Variants in ITPKC observed in about 807,000 individuals in gnomAD.
The protein encoded by ITPKC is inositol-trisphosphate 3-kinase C.
Under a neutral mutation model 67.1 loss-of-function variants are expected in ITPKC, and 33 were observed. That is an observed-to-expected ratio of 0.49 (90% CI 0.37 to 0.66). ITPKC has a LOEUF of 0.66. Among genes scored for constraint, ITPKC ranks in the 30% least tolerant of loss-of-function variants. The pLI is 0.00. For missense variants in ITPKC, 820 were observed against 892.1 expected, an observed-to-expected ratio of 0.92 and a Z score of 1.03; for synonymous variants, 341 against 359.8, an observed-to-expected ratio of 0.95 and a Z score of 0.59.
chr19:40,733,246 C>T lies in ITPKC; in HGVS notation c.1556C>T (p.Pro519Leu), dbSNP rs1188412284. 1.9e-6 allele frequency: 3 copies of T among 1,614,234 alleles called. No homozygotes were observed. Among genetic ancestry groups the T allele is most frequent in the Non-Finnish European group, 1.7e-6 (2 of 1,180,032 alleles). The change falls in exon 4 of 7, where the codon CCT becomes CTT. Residue 519 changes from proline to leucine, a missense_variant. Transcript: ENST00000263370. ...TATGAGAAGATGGTGGCTGTGGACC[C>T]TGGGGCCCCTACCCCTGAGGAGCAT... ...DMYEKMVAVD[P>L]GAPTPEEHAQ... is the part of the protein sequence containing the mutation.
chr19:40,720,628 CTG>C (rs1240408717), intron 1 of ITPKC, among the ~76,000 whole-genome samples: 1 of 152,088 alleles, frequency 6.6e-6, no homozygotes, highest in African/African-American at 2.4e-5. Flanking sequence ...GGTGCCCTCT[CTG>C]AGAGCAGTCA....
At chr19:40,729,585 G>A (rs569199690) in intron 3 of ITPKC, among the ~76,000 whole-genome samples, 170 bp downstream of exon 3, 1 of 152,134 alleles carries the variant, frequency 6.6e-6, no homozygotes, top group Non-Finnish European at 1.5e-5. Flanking sequence ...GACCAACGTG[G>A]TGAAGCCCTG....
At chr19:40,737,992 G>GA (rs35811447) in intron 6 of ITPKC, among the ~76,000 whole-genome samples, 269 of 114,404 alleles carry the variant, frequency 2.4e-3, no homozygotes, top group East Asian at 0.013. Flanking sequence ...TCTCTATTTG[G>GA]AAAAAAAAAA....
In ITPKC at chr19:40,733,112, C is replaced by T. The variant is rs1247587982; in HGVS notation, c.1470-48C>T. 2.6e-6 allele frequency: 4 copies of T among 1,544,078 alleles called. No individual in the cohort carries two copies. In the African/African-American group the frequency reaches 4.1e-5, roughly 16 times the overall value. On this transcript the variant is annotated intron_variant, in intron 3 of 6. Transcript: ENST00000263370. Reference sequence around the variant, plus strand: ...CTTAATATCAGGAAGGGTAAGCCCTCCAGTTTGTTCTACATAATTTCCTTT... The same window carrying T: ...CTTAATATCAGGAAGGGTAAGCCCTTCAGTTTGTTCTACATAATTTCCTTT...
In ITPKC at chr19:40,717,345, G is replaced by A; in HGVS notation, c.210G>A (p.Glu70=). The A allele has an allele frequency of 6.2e-7, 1 of 1,609,250 alleles. No individual in the cohort carries two copies. Among genetic ancestry groups the A allele is most frequent in the Non-Finnish European group, 8.5e-7 (1 of 1,178,806 alleles). ...ARTEGSSLHS[E]PERAGLGPAP... is the part of the protein sequence containing the mutation. ...CAGAGGGGTCCAGCCTCCACAGCGA[G>A]CCTGAGAGGGCCGGCCTCGGGCCTG... Residue 70 remains glutamate, a synonymous_variant, in exon 1 of 7, where the codon GAG becomes GAA. Coordinates refer to ENST00000263370, the MANE Select transcript of ITPKC (RefSeq NM_025194.3).
intron 1 of ITPKC, 120 bp from the exon 2 acceptor site, chr19:40,725,220 C>A: frequency 1.5e-6 from 1 of 658,812 alleles, no homozygotes; most frequent in Non-Finnish European, 2.7e-6. Flanking sequence ...ACAGTGATCC[C>A]AGGAAGCCCC....
chr19:40,730,647 C>G (rs1404328397), intron 3 of ITPKC, among the ~76,000 whole-genome samples: 1 of 152,102 alleles, frequency 6.6e-6, no homozygotes, highest in Non-Finnish European at 1.5e-5. Context: ...CCAGGCTGGT[C>G]TTGAACCCCT....
chr19:40,734,712 G>A (rs187388214), intron 4 of ITPKC, among the ~76,000 whole-genome samples: 76 of 149,290 alleles, frequency 5.1e-4, no homozygotes, highest in African/African-American at 1.7e-3. Context: ...GGGTTCAAGC[G>A]ATTCTCCCAC....
At chr19:40,723,260 C>T in intron 1 of ITPKC, among the ~76,000 whole-genome samples, 1 of 152,154 alleles carries the variant, frequency 6.6e-6, no homozygotes, top group East Asian at 1.9e-4. Context: ...TGCGCCCGGC[C>T]TAATTTTTAA....
chr19:40,732,097 T>C (rs1599653595), intron 3 of ITPKC, among the ~76,000 whole-genome samples: 2 of 151,474 alleles, frequency 1.3e-5, no homozygotes, highest in East Asian at 1.9e-4. Context: ...ATGTGCCAGG[T>C]GTGGTGGTAT....
rs768621609 is a variant in ITPKC at position 40,737,134 on chromosome 19, A to G, written c.1776+47A>G. The G allele has an allele frequency of 4.1e-6, 5 of 1,214,568 alleles. No homozygotes were observed. The South Asian group carries it at 6.5e-5, about 16-fold the overall frequency. 75.2% of individuals were successfully genotyped at this position (1,214,568 alleles called of 1,614,324 possible). A position where few individuals can be genotyped will look rare whatever the true frequency, so the allele number is the denominator to read the frequency against. ...CAGAATGTAGCAGCTTAAGACAGCCACCATTTATTCTTGCTCCAGAGTCAG... is the reference window on the plus strand; with the variant it reads ...CAGAATGTAGCAGCTTAAGACAGCCGCCATTTATTCTTGCTCCAGAGTCAG... On this transcript the variant is annotated intron_variant, in intron 5 of 6. Coordinates refer to ENST00000263370, the MANE Select transcript of ITPKC (RefSeq NM_025194.3).
intron 1 of ITPKC, among the ~76,000 whole-genome samples, chr19:40,721,528 G>A (rs970458564): frequency 6.6e-6 from 1 of 151,650 alleles, no homozygotes; most frequent in South Asian, 2.1e-4. Context: ...ACGCCACCAC[G>A]CCCGGCTAAT....
chr19:40,724,732 T>G (rs2082238012), intron 1 of ITPKC, among the ~76,000 whole-genome samples: 1 of 152,120 alleles, frequency 6.6e-6, no homozygotes, highest in Non-Finnish European at 1.5e-5. Context: ...GTGGACTGCT[T>G]GAGGTCAGGA....
chr19:40,736,356 C>G (rs2144754751), intron 4 of ITPKC, among the ~76,000 whole-genome samples: 1 of 152,116 alleles, frequency 6.6e-6, no homozygotes, highest in South Asian at 2.1e-4. Flanking sequence ...GCCCACTTTC[C>G]TAGATGGGTT....
At chr19:40,731,480 T>A (rs977377412) in intron 3 of ITPKC, among the ~76,000 whole-genome samples, 6 of 151,694 alleles carry the variant, frequency 4.0e-5, no homozygotes, top group Admixed American at 2.6e-4. Flanking sequence ...TGAAGAGAAG[T>A]GTAGGGCAAG....
At chr19:40,722,718 T>A (rs1027344231) in intron 1 of ITPKC, among the ~76,000 whole-genome samples, 1 of 152,212 alleles carries the variant, frequency 6.6e-6, no homozygotes, top group Non-Finnish European at 1.5e-5. Context: ...AAGCTCATAG[T>A]TTAGTCGGCA....
At chr19:40,726,608 C>T (rs1180518726) in intron 2 of ITPKC, among the ~76,000 whole-genome samples, 1 of 152,152 alleles carries the variant, frequency 6.6e-6, no homozygotes, top group Admixed American at 6.5e-5. Context: ...TGCCCATTGG[C>T]AAATGGCGAC....
intron 3 of ITPKC, among the ~76,000 whole-genome samples, chr19:40,731,658 A>G (rs531814008): frequency 1.6e-3 from 209 of 134,068 alleles, no homozygotes; most frequent in African/African-American, 5.8e-3. Flanking sequence ...GCTGGAATGC[A>G]GTGGCCTGAT....
At position 40,734,756 on chromosome 19, in the gene ITPKC, G is replaced by A. The variant is rs139641768; in HGVS notation, c.1674+1392G>A. 2.6e-3 allele frequency among the ~76,000 whole-genome samples: 385 copies of A among 145,544 alleles called. 1 individual carries two copies. The highest frequency in any genetic ancestry group is 9.4e-3 in the African/African-American group (369 of 39,242). ...CCTGACTTGACGTGATTACTGGCACGCACTACCATGCCTGGCTAATTGTTG... is the reference window on the plus strand; with the variant it reads ...CCTGACTTGACGTGATTACTGGCACACACTACCATGCCTGGCTAATTGTTG... On this transcript the variant is annotated intron_variant, in intron 4 of 6. Transcript: ENST00000263370.
Sources: allele counts gnomAD v4.1 joint callset (sites outside exome capture counted in the v4.1 genomes callset), GRCh38; gene constraint gnomAD v4.1.1; transcripts MANE v1.5; gene names NCBI Gene and HGNC (gene_info 2026-07-23, HGNC 2026-07-21).